CHCHD6: variants seen among roughly 807,000 people sequenced by gnomAD.
The protein encoded by CHCHD6 is coiled-coil-helix-coiled-coil-helix domain containing 6, also known as MICOS complex subunit MIC25.
A neutral mutation model predicts 32.3 loss-of-function variants in CHCHD6; 28 were observed. The ratio of observed to expected loss-of-function variants is 0.87; its 90% CI spans 0.64 to 1.19. CHCHD6 has a LOEUF of 1.19. Ranked by LOEUF, CHCHD6 falls within the 50% of genes most tolerant of loss-of-function variation. The pLI is 0.00. For synonymous variants in CHCHD6, 122 were observed against 117.5 expected (o/e 1.04, Z -0.25); for missense variants, 333 against 307.0 (o/e 1.08, Z -0.63).
At chr3:126,931,998 C>T (rs943334973) in intron 6 of CHCHD6, among the ~76,000 whole-genome samples, 8 of 152,224 alleles carry the variant, frequency 5.3e-5, no homozygotes, top group Non-Finnish European at 1.2e-4. Flanking sequence ...GGATTCAGGG[C>T]CTGGTCCTTC....
chr3:126,784,545 G>T (rs1333705897), intron 4 of CHCHD6, among the ~76,000 whole-genome samples: 3 of 152,036 alleles, frequency 2.0e-5, no homozygotes, highest in Non-Finnish European at 4.4e-5. Flanking sequence ...TAGACTACCT[G>T]GTGTACTCCA....
chr3:126,923,957 T>C (rs563756330), intron 6 of CHCHD6, among the ~76,000 whole-genome samples: 2 of 152,326 alleles, frequency 1.3e-5, no homozygotes, highest in South Asian at 2.1e-4. Flanking sequence ...AGCTCTCCTT[T>C]TGGGGATGTA....
chr3:126,938,667 T>A (rs986760428), intron 6 of CHCHD6, among the ~76,000 whole-genome samples: 1 of 152,248 alleles, frequency 6.6e-6, no homozygotes, highest in Admixed American at 6.5e-5. Flanking sequence ...GTTCCTGTGC[T>A]TACTCGAGAG....
At chr3:126,869,903 C>T (rs957166208) in intron 5 of CHCHD6, among the ~76,000 whole-genome samples, 2 of 152,164 alleles carry the variant, frequency 1.3e-5, no homozygotes, top group African/African-American at 4.8e-5. Flanking sequence ...TCATTGCTTT[C>T]TGAAATCCTG....
chr3:126,839,467 G>A (rs1940985533), intron 4 of CHCHD6, among the ~76,000 whole-genome samples: 1 of 152,204 alleles, frequency 6.6e-6, no homozygotes, highest in Admixed American at 6.5e-5. Context: ...ATGTAGCTGT[G>A]TGTAGATGAC....
At chr3:126,745,283 C>T (rs998083015) in intron 4 of CHCHD6, among the ~76,000 whole-genome samples, 2 of 152,144 alleles carry the variant, frequency 1.3e-5, no homozygotes, top group South Asian at 4.1e-4. Context: ...GCCCAGCGTC[C>T]GGACTCTGTT....
chr3:126,714,755 T>G (rs1398241962), intron 1 of CHCHD6, among the ~76,000 whole-genome samples: 2 of 152,146 alleles, frequency 1.3e-5, no homozygotes, highest in African/African-American at 4.8e-5. Context: ...AGGAAAACAC[T>G]GCGTTGAGTG....
intron 4 of CHCHD6, among the ~76,000 whole-genome samples, chr3:126,807,729 A>G (rs1225873484): frequency 6.6e-6 from 1 of 152,250 alleles, no homozygotes; most frequent in East Asian, 1.9e-4. Flanking sequence ...ATTTTAGAAT[A>G]TAAAGGACAA....
chr3:126,741,641 T>C (rs1431069267), intron 4 of CHCHD6, among the ~76,000 whole-genome samples: 1 of 152,124 alleles, frequency 6.6e-6, no homozygotes, highest in Non-Finnish European at 1.5e-5. Context: ...AAAATGCAGA[T>C]ATTTGGATCC....
chr3:126,898,823 G>A (rs2077879559), intron 5 of CHCHD6, among the ~76,000 whole-genome samples: 1 of 152,198 alleles, frequency 6.6e-6, no homozygotes, highest in Non-Finnish European at 1.5e-5. Flanking sequence ...ACAGGCGTGA[G>A]CCACCACACC....
rs6789296 is a variant in CHCHD6, at chr3:126,882,743, C to T, written c.495+30013C>T. Among the ~76,000 whole-genome samples the T allele has an allele frequency of 3.4e-3, 511 of 152,326 alleles. 5 individuals carry two copies. Among genetic ancestry groups the T allele is most frequent in the African/African-American group, 0.011 (474 of 41,574 alleles). ...AGACTTCTGGAAGAGCCAGGACGCT[C>T]CTTGTACAGAGGGCTCCTTGATTTG... On this transcript the variant is annotated intron_variant, in intron 5 of 7. Transcript: ENST00000290913.
chr3:126,863,922 C>T (rs1382134143), intron 5 of CHCHD6, among the ~76,000 whole-genome samples: 7 of 140,968 alleles, frequency 5.0e-5, no homozygotes, highest in African/African-American at 1.1e-4. Flanking sequence ...CCTCCACCAT[C>T]GACACCTCCT....
intron 5 of CHCHD6, among the ~76,000 whole-genome samples, chr3:126,863,330 C>T (rs1279615021): frequency 7.0e-6 from 1 of 143,580 alleles, no homozygotes; most frequent in Non-Finnish European, 1.5e-5. Context: ...ACCTCCTCCT[C>T]CTCCTCCATC....
intron 5 of CHCHD6, among the ~76,000 whole-genome samples, chr3:126,874,403 C>T (rs1239883011): frequency 2.0e-5 from 3 of 152,126 alleles, no homozygotes; most frequent in Non-Finnish European, 4.4e-5. Flanking sequence ...AGCTGGCCAA[C>T]GTCTGGGCAG....
intron 5 of CHCHD6, among the ~76,000 whole-genome samples, chr3:126,907,246 C>T (rs1303355724): frequency 6.6e-6 from 1 of 152,192 alleles, no homozygotes; most frequent in Non-Finnish European, 1.5e-5. Context: ...AGGGTCTCTG[C>T]ACACTTGTTT....
intron 4 of CHCHD6, among the ~76,000 whole-genome samples, chr3:126,748,063 G>A (rs1297882536): frequency 1.3e-5 from 2 of 151,982 alleles, no homozygotes; most frequent in African/African-American, 4.8e-5. Context: ...CTTAAAAGGG[G>A]CCTCTCTGCC....
intron 5 of CHCHD6, among the ~76,000 whole-genome samples, chr3:126,881,659 A>G (rs1395336250): frequency 1.3e-5 from 2 of 152,206 alleles, no homozygotes; most frequent in Non-Finnish European, 2.9e-5. Context: ...GGGGATGGAA[A>G]GGAGCTTCTC....
chr3:126,940,495 G>A (rs967207469), intron 6 of CHCHD6, among the ~76,000 whole-genome samples: 4 of 151,830 alleles, frequency 2.6e-5, no homozygotes, highest in Admixed American at 6.6e-5. Flanking sequence ...CAATATAATC[G>A]GCACTGTGAC....
chr3:126,876,397 G>T (rs1168767314), intron 5 of CHCHD6, among the ~76,000 whole-genome samples: 1 of 152,206 alleles, frequency 6.6e-6, no homozygotes, highest in Admixed American at 6.5e-5. Context: ...AGAACCCCAG[G>T]AATGTTTGTC....
Sources: allele counts gnomAD v4.1 joint callset (sites outside exome capture counted in the v4.1 genomes callset), GRCh38; gene constraint gnomAD v4.1.1; transcripts MANE v1.5; gene names NCBI Gene and HGNC (gene_info 2026-07-23, HGNC 2026-07-21).